Variants in ROBO2 observed in about 807,000 individuals in gnomAD.
ROBO2 encodes roundabout guidance receptor 2.
ROBO2 carries 53 observed loss-of-function variants against 160.8 expected under a neutral mutation model. The observed-to-expected ratio is 0.33, with a 90% CI of 0.26 to 0.41. The LOEUF (loss-of-function observed/expected upper bound fraction) is 0.41. ROBO2 is among the 10% of genes least tolerant of loss of function. The pLI is 1.00. For synonymous variants in ROBO2, 664 were observed against 611.7 expected, an observed-to-expected ratio of 1.09 and a Z score of -1.26; for missense variants, 1,577 against 1,722.4, an observed-to-expected ratio of 0.92 and a Z score of 1.49.
rs36111766 is a variant in ROBO2, at chr3:76,752,822, A to AT, written c.110-345192_110-345191insT. Among the ~76,000 whole-genome samples the AT allele has an allele frequency of 7.6e-3, 1,156 of 151,792 alleles. 13 individuals are homozygous for AT. The highest frequency in any genetic ancestry group is 0.026 in the African/African-American group (1,095 of 41,450). On this transcript the variant is annotated intron_variant, in intron 2 of 26. Transcript: ENST00000487694. ...GAATATAGTATGCAGCATTTAAAAAAAAACTTCTAAGGCTTTAGGGACTTT... is the reference window on the plus strand; with the variant it reads ...GAATATAGTATGCAGCATTTAAAAAATAAACTTCTAAGGCTTTAGGGACTTT...
At chr3:76,349,936 A>C (rs2074772177) in intron 2 of ROBO2, among the ~76,000 whole-genome samples, 1 of 151,958 alleles carries the variant, frequency 6.6e-6, no homozygotes. Flanking sequence ...CAGTATCTTT[A>C]GCTTCAAAGG....
At chr3:75,917,955 T>C (rs2106799119) in intron 1 of ROBO2, among the ~76,000 whole-genome samples, 2 of 152,304 alleles carry the variant, frequency 1.3e-5, no homozygotes, top group Middle Eastern at 3.4e-3. Flanking sequence ...ATGGATAGAT[T>C]GTAAAAATTT....
At chr3:76,233,468 G>A (rs17140538) in intron 2 of ROBO2, among the ~76,000 whole-genome samples, 16,389 of 152,088 alleles carry the variant, frequency 0.11, 1,240 homozygotes, top group East Asian at 0.22. Flanking sequence ...GTAATTGCTG[G>A]TAGTACAGTA....
chr3:76,826,543 G>A (rs1221482479), intron 2 of ROBO2, among the ~76,000 whole-genome samples: 1 of 152,068 alleles, frequency 6.6e-6, no homozygotes, highest in African/African-American at 2.4e-5. Flanking sequence ...GTGAGCTTGG[G>A]AGGTATGGCC....
intron 2 of ROBO2, among the ~76,000 whole-genome samples, chr3:76,644,782 A>G (rs2090885584): frequency 6.6e-6 from 1 of 152,204 alleles, no homozygotes. Flanking sequence ...TGTATAGGGT[A>G]GTTTTGTGTG....
intron 2 of ROBO2, among the ~76,000 whole-genome samples, chr3:76,792,250 T>C (rs1031722441): frequency 6.6e-6 from 1 of 151,844 alleles, no homozygotes; most frequent in African/African-American, 2.4e-5. Flanking sequence ...TTTTTGCAAG[T>C]GTTAAGAGTT....
chr3:77,086,773 C>T (rs1021079748), intron 1 of ROBO2, among the ~76,000 whole-genome samples: 3 of 152,048 alleles, frequency 2.0e-5, no homozygotes, highest in Admixed American at 6.6e-5. Context: ...TTTTTCTGGT[C>T]GTGATTTAGC....
chr3:77,108,324 GCATATATATATATGTATA>G (rs2073128664), intron 2 of ROBO2, among the ~76,000 whole-genome samples: 1 of 143,532 alleles, frequency 7.0e-6, no homozygotes, highest in Non-Finnish European at 1.5e-5. Context: ...ATACACATAT[GCATATATATATATGTATA>G]TATGATGTGA....
chr3:77,429,450 C>T (rs1270677379), intron 2 of ROBO2, among the ~76,000 whole-genome samples: 1 of 152,016 alleles, frequency 6.6e-6, no homozygotes, highest in Non-Finnish European at 1.5e-5. Context: ...GGAAATTCTT[C>T]CTTTATGCAA....
intron 2 of ROBO2, among the ~76,000 whole-genome samples, chr3:76,534,792 G>A (rs1465584191): frequency 6.6e-6 from 1 of 152,094 alleles, no homozygotes; most frequent in Non-Finnish European, 1.5e-5. Context: ...AGAGCCTGAT[G>A]CGTAGGAAAG....
intron 2 of ROBO2, among the ~76,000 whole-genome samples, chr3:77,414,972 C>A (rs990419889): frequency 6.6e-6 from 1 of 152,172 alleles, no homozygotes; most frequent in Non-Finnish European, 1.5e-5. Context: ...TAAGACTCCA[C>A]CCCTGCCTTC....
chr3:76,007,831 C>G (rs1482040428), intron 2 of ROBO2, among the ~76,000 whole-genome samples: 2 of 152,146 alleles, frequency 1.3e-5, no homozygotes, highest in East Asian at 1.9e-4. Flanking sequence ...TTGCTAATGG[C>G]CTTCTTGAAC....
At chr3:76,914,371 T>G (rs965601855) in intron 2 of ROBO2, among the ~76,000 whole-genome samples, 1 of 152,164 alleles carries the variant, frequency 6.6e-6, no homozygotes, top group African/African-American at 2.4e-5. Flanking sequence ...ATCTCAGAAT[T>G]TCCCTGCTCA....
intron 2 of ROBO2, among the ~76,000 whole-genome samples, chr3:76,967,363 G>A (rs568810229): frequency 6.6e-5 from 10 of 151,372 alleles, no homozygotes; most frequent in South Asian, 2.1e-4. Context: ...GTGCAACCAC[G>A]CCCAGCTAAT....
chr3:77,296,317 A>T (rs1440530393), intron 2 of ROBO2, among the ~76,000 whole-genome samples: 1 of 152,128 alleles, frequency 6.6e-6, no homozygotes, highest in Non-Finnish European at 1.5e-5. Flanking sequence ...TGATGGTTAA[A>T]CGGGCAAGCT....
intron 2 of ROBO2, among the ~76,000 whole-genome samples, chr3:76,985,813 A>G (rs926275561): frequency 6.6e-6 from 1 of 152,242 alleles, no homozygotes; most frequent in East Asian, 1.9e-4. Context: ...CAACAATAAC[A>G]TATATGATGC....
intron 6 of ROBO2, among the ~76,000 whole-genome samples, chr3:77,526,380 T>C: frequency 6.6e-6 from 1 of 151,534 alleles, no homozygotes; most frequent in Non-Finnish European, 1.5e-5. Context: ...AGAGTCACAT[T>C]ACATATGCAC....
At chr3:77,573,908 T>G (rs1285331315) in intron 13 of ROBO2, among the ~76,000 whole-genome samples, 1 of 151,926 alleles carries the variant, frequency 6.6e-6, no homozygotes, top group African/African-American at 2.4e-5. Flanking sequence ...ACTCCTACCT[T>G]CTACCTGGAC....
intron 2 of ROBO2, among the ~76,000 whole-genome samples, chr3:76,889,453 T>C (rs185692063): frequency 3.0e-4 from 46 of 152,208 alleles, no homozygotes; most frequent in Non-Finnish European, 5.4e-4. Flanking sequence ...GGAAATAAAA[T>C]GATAAAATCA....
Sources: gnomAD v4.1 joint callset for allele counts (sites outside exome capture counted in the v4.1 genomes callset) on GRCh38, gnomAD v4.1.1 for gene constraint, MANE v1.5 for transcripts, NCBI Gene and HGNC (gene_info 2026-07-23, HGNC 2026-07-21) for gene names.